FAM20C: variants seen among roughly 807,000 people sequenced by gnomAD.
FAM20C encodes extracellular serine/threonine protein kinase FAM20C.
FAM20C carries 40 observed loss-of-function variants against 51.5 expected under a neutral mutation model. That is an observed-to-expected ratio of 0.78 (90% CI 0.60 to 1.01). The LOEUF is 1.01. Among genes scored for constraint, FAM20C ranks in the 50% least tolerant of loss-of-function variants. FAM20C has a pLI of 0.00. For missense variants in FAM20C, 861 were observed against 844.7 expected (o/e 1.02, Z -0.24); for synonymous variants, 406 against 380.6 (o/e 1.07, Z -0.78).
chr7:213,143 G>A (rs62430291), intron 3 of FAM20C, among the ~76,000 whole-genome samples: 11 of 65,774 alleles, frequency 1.7e-4, no homozygotes, highest in African/African-American at 2.7e-4. Context: ...GTGACATGGA[G>A]GGCTGTGGAG....
At chr7:195,344 G>C (rs1165510886) in intron 1 of FAM20C, 1 of 448,376 alleles carries the variant, frequency 2.2e-6, no homozygotes, top group Non-Finnish European at 3.9e-6. Context: ...AAGAATTACA[G>C]GCCTTTCACC....
At chr7:233,768 T>C (rs1787770059) in intron 3 of FAM20C, among the ~76,000 whole-genome samples, 1 of 152,210 alleles carries the variant, frequency 6.6e-6, no homozygotes, top group Non-Finnish European at 1.5e-5. Context: ...GTCCTGGGGT[T>C]CAGATGCGGA....
At chr7:224,054 T>A (rs1477988315) in intron 3 of FAM20C, among the ~76,000 whole-genome samples, 3,216 of 133,434 alleles carry the variant, frequency 0.024, 72 homozygotes, top group Non-Finnish European at 0.034. Flanking sequence ...CTTCTCTCAT[T>A]GCGCAGAATG....
intron 3 of FAM20C, among the ~76,000 whole-genome samples, chr7:226,727 G>C (rs1157975153): frequency 2.6e-5 from 4 of 152,178 alleles, no homozygotes; most frequent in African/African-American, 4.8e-5. Context: ...ATGATTTACT[G>C]GTGGCCAAAG....
At chr7:194,205 G>A (rs1785737150) in intron 1 of FAM20C, 1 of 185,822 alleles carries the variant, frequency 5.4e-6, no homozygotes, top group Non-Finnish European at 1.1e-5. Context: ...CCTTGGAGAA[G>A]GTCTGGATGT....
chr7:194,967 C>T (rs183380766), intron 1 of FAM20C, among the ~76,000 whole-genome samples: 126 of 152,322 alleles, frequency 8.3e-4, no homozygotes, highest in African/African-American at 2.9e-3. Flanking sequence ...GCGGGTCCTC[C>T]ATGGGAGCCT....
At chr7:254,640 G>A (rs954773171) in intron 5 of FAM20C, among the ~76,000 whole-genome samples, 4 of 152,124 alleles carry the variant, frequency 2.6e-5, no homozygotes, top group East Asian at 1.9e-4. Flanking sequence ...ATTTAAAAGC[G>A]TACAGTTCCG....
chr7:204,573 C>T (rs147967024), intron 2 of FAM20C, among the ~76,000 whole-genome samples: 18 of 152,370 alleles, frequency 1.2e-4, no homozygotes, highest in African/African-American at 9.6e-5. Flanking sequence ...GGGGAGGGCA[C>T]GTGGCGCTTG....
chr7:215,228 T>TGG (rs71016858), intron 3 of FAM20C, among the ~76,000 whole-genome samples: 2 of 80,012 alleles, frequency 2.5e-5, no homozygotes, highest in Non-Finnish European at 5.4e-5. Flanking sequence ...AGGCTCCAGC[T>TGG]GGGGGGGGGA....
intron 3 of FAM20C, among the ~76,000 whole-genome samples, chr7:209,413 G>C (rs1407888758): frequency 1.3e-5 from 2 of 152,166 alleles, no homozygotes; most frequent in African/African-American, 4.8e-5. Context: ...CTATTCAGCG[G>C]GTGGTCCTAG....
chr7:214,325 C>CAA (rs553411805), intron 3 of FAM20C, among the ~76,000 whole-genome samples: 4 of 142,824 alleles, frequency 2.8e-5, no homozygotes, highest in African/African-American at 1.0e-4. Flanking sequence ...AACTCGGTCT[C>CAA]AAAAAAAAAA....
In FAM20C at chr7:234,446, C is replaced by T. The variant is rs952816210; in HGVS notation, c.864-11969C>T. ...CCCAGGCCCCGACCACTCCCTGTAT[C>T]GGGGGTGGCTGGCCGAGGGCAGGGC... On this transcript the variant is annotated intron_variant, in intron 3 of 9. Transcript: ENST00000313766. 3.8e-3 allele frequency among the ~76,000 whole-genome samples: 577 copies of T among 152,284 alleles called. 1 individual carries two copies. Among genetic ancestry groups the T allele is most frequent in the African/African-American group, 0.013 (551 of 41,560 alleles).
At chr7:248,179 G>C (rs979095370) in intron 4 of FAM20C, 136 bp from the exon 5 acceptor site, 1 of 615,258 alleles carries the variant, frequency 1.6e-6, no homozygotes, top group Non-Finnish European at 2.8e-6. Flanking sequence ...GGTTTATTCG[G>C]AGGCAGGGAC....
At chr7:241,730 C>T (rs1165873063) in intron 3 of FAM20C, among the ~76,000 whole-genome samples, 1 of 151,644 alleles carries the variant, frequency 6.6e-6, no homozygotes, top group African/African-American at 2.4e-5. Context: ...CCACTGTGAG[C>T]GCCCGTGTGT....
At chr7:228,601 A>G (rs1262092384) in intron 3 of FAM20C, 1 of 456,258 alleles carries the variant, frequency 2.2e-6, no homozygotes, top group Admixed American at 2.3e-5. Flanking sequence ...CAGCGTTTCC[A>G]CAGAGCCGGT....
chr7:258,186 CT>C (rs1788699931), intron 8 of FAM20C, among the ~76,000 whole-genome samples: 1 of 99,638 alleles, frequency 1.0e-5, no homozygotes, highest in African/African-American at 4.6e-5. Flanking sequence ...GCCTGAGGTG[CT>C]GGAGATAGGC....
intron 3 of FAM20C, among the ~76,000 whole-genome samples, chr7:241,415 A>G (rs937449479): frequency 1.3e-5 from 2 of 152,108 alleles, no homozygotes; most frequent in African/African-American, 2.4e-5. Flanking sequence ...CAGGGAGGAA[A>G]TCAGACTCCG....
chr7:211,619 C>T (rs535067663), intron 3 of FAM20C, among the ~76,000 whole-genome samples: 7 of 152,268 alleles, frequency 4.6e-5, no homozygotes, highest in South Asian at 4.1e-4. Context: ...GCCTGAAGGC[C>T]GAGGCTGCTG....
chr7:222,373 G>A (rs528588988), intron 3 of FAM20C, among the ~76,000 whole-genome samples: 7 of 152,248 alleles, frequency 4.6e-5, no homozygotes, highest in Admixed American at 2.6e-4. Flanking sequence ...GAGAGCAGCT[G>A]GGGTCACCGT....
Sources: gnomAD v4.1 joint callset for allele counts (sites outside exome capture counted in the v4.1 genomes callset) on GRCh38, gnomAD v4.1.1 for gene constraint, MANE v1.5 for transcripts, NCBI Gene and HGNC (gene_info 2026-07-23, HGNC 2026-07-21) for gene names.